Variants in EXOC3L1 observed in about 807,000 individuals in gnomAD.
EXOC3L1 encodes exocyst complex component 3-like protein.
A neutral mutation model predicts 83.6 loss-of-function variants in EXOC3L1; 79 were observed. The observed-to-expected ratio is 0.95, with a 90% CI of 0.79 to 1.14. The LOEUF (loss-of-function observed/expected upper bound fraction) is 1.14. Ranked by LOEUF, EXOC3L1 falls within the 50% of genes most tolerant of loss-of-function variation. EXOC3L1 has a pLI of 0.00. For missense variants in EXOC3L1, 945 were observed against 972.0 expected (o/e 0.97, Z 0.37); for synonymous variants, 433 against 451.2 (o/e 0.96, Z 0.51).
rs1027931068 is a variant in EXOC3L1 at position 67,186,689 on chromosome 16, GC to G, written c.1285-33del. The G allele has an allele frequency of 5.0e-6, 8 of 1,613,282 alleles. No individual in the cohort carries two copies. The Admixed American group carries it at 6.7e-5, about 13-fold the overall frequency. On this transcript the variant is annotated intron_variant, in intron 7 of 13. Transcript: ENST00000314586. ...GCAGAAATGAGCAGCCATCGGCAAAGCCTCCCTCCTTCCTCTCCTCCCCACT... is the reference window on the plus strand; with the variant it reads ...GCAGAAATGAGCAGCCATCGGCAAAGCTCCCTCCTTCCTCTCCTCCCCACT...
Position 67,189,097 on chromosome 16 carries a change from G to A in EXOC3L1, c.130C>T (p.Pro44Ser). The change falls in exon 3 of 14, where the codon CCG becomes TCG. Residue 44 changes from proline (P) to serine (S), a missense_variant. By Grantham distance (74) the Pro-to-Ser change is moderately conservative. Coordinates refer to ENST00000314586, the MANE Select transcript of EXOC3L1 (RefSeq NM_178516.4). ...TGGCCTAGCCTGGCCAGCTGCTCCG[G>A]CCGGTAGAAGATGCCTGAGGCCCAC... is the stretch of plus-strand genomic sequence containing the variant. ...LKWASGIFYR[P>S]EQLARLGQYR... 6.2e-7 allele frequency: 1 copy of A among 1,608,298 alleles called. No individual in the cohort carries two copies. Among genetic ancestry groups the A allele is most frequent in the Non-Finnish European group, 8.5e-7 (1 of 1,179,102 alleles).
rs148629602 is a variant in EXOC3L1 at position 67,185,223 on chromosome 16, C to T, written c.1662G>A (p.Leu554=). 1.2e-6 allele frequency: 2 copies of T among 1,613,550 alleles called. No homozygotes were observed. The highest frequency in any genetic ancestry group is 1.7e-5 in the Admixed American group (1 of 60,018). ...LFADLPSRQW[L]SSPELLQSVC... ...CACTTTGCAGGAGCTCAGGGCTCGA[C>T]AGCCATTGGCGCGAGGGCAGATCCG... is the stretch of plus-strand genomic sequence containing the variant. Residue 554 remains leucine (L), a synonymous_variant, in exon 11 of 14, where the codon CTG becomes CTA. Coordinates refer to ENST00000314586, the MANE Select transcript of EXOC3L1 (RefSeq NM_178516.4).
Position 67,186,917 on chromosome 16 carries a change from G to T in EXOC3L1, c.1159-33C>A, listed in dbSNP as rs140494705. 131 of 1,613,258 alleles carry T rather than the reference G, an allele frequency of 8.1e-5. No individual in the cohort carries two copies. The East Asian group carries it at 2.9e-3, about 35-fold the overall frequency. On this transcript the variant is annotated intron_variant, in intron 6 of 13. Coordinates refer to ENST00000314586, the MANE Select transcript of EXOC3L1 (RefSeq NM_178516.4). ...GAGGGGCCAGGGGCAAAGGAATGTA[G>T]CAGGGATCTGACCCTGCTGGAGATG...
chr16:67,187,144 G>A lies in EXOC3L1; in HGVS notation c.1041-6C>T. ...GGCTCCCCATCATTTCCTGCCTGGAGATAGGTGGCCTGGTGTCACACCAAG... is the reference window on the plus strand; with the variant it reads ...GGCTCCCCATCATTTCCTGCCTGGAAATAGGTGGCCTGGTGTCACACCAAG... On this transcript the variant is annotated splice_region_variant and splice_polypyrimidine_tract_variant and intron_variant, in intron 5 of 13. Coordinates refer to ENST00000314586, the MANE Select transcript of EXOC3L1 (RefSeq NM_178516.4). 6.2e-7 allele frequency: 1 copy of A among 1,612,852 alleles called. No individual in the cohort carries two copies. The highest frequency in any genetic ancestry group is 1.3e-5 in the African/African-American group (1 of 75,038).
At position 67,184,816 on chromosome 16, in the gene EXOC3L1, C is replaced by T. The variant is rs201786873; in HGVS notation, c.1906-6G>A. On this transcript the variant is annotated splice_polypyrimidine_tract_variant and splice_region_variant and intron_variant, in intron 12 of 13. Transcript: ENST00000314586. The stretch of plus-strand genomic sequence containing the variant: ...TGCGCGTTCTCCTCCAGGCCCTGAG[C>T]ACGTCGGGGTAGGGTCTCGCGCCAG... 4.9e-4 allele frequency: 782 copies of T among 1,603,834 alleles called. 1 individual carries two copies. Among genetic ancestry groups the T allele is most frequent in the Non-Finnish European group, 6.3e-4 (745 of 1,179,630 alleles).
Position 67,186,792 on chromosome 16 carries a change from G to C in EXOC3L1, c.1251C>G (p.Ser417=), listed in dbSNP as rs777583508. 1 of 1,613,740 alleles carries C rather than the reference G, an allele frequency of 6.2e-7. No individual in the cohort carries two copies. Among genetic ancestry groups the C allele is most frequent in the South Asian group, 1.1e-5 (1 of 91,088 alleles). ...CAATGGCTGGCATTGGTGAGTAATA[G>C]GAGCCAGACGGGTCTGTGTTGGGCC... ...EHGPNTDPSG[S]YYSPMPAIVL... is the part of the protein sequence containing the mutation. The change falls in exon 7 of 14, where the codon TCC becomes TCG. Residue 417 remains serine (S), a synonymous_variant. Coordinates refer to ENST00000314586, the MANE Select transcript of EXOC3L1 (RefSeq NM_178516.4).
intron 9 of EXOC3L1, 60 bp from the exon 10 acceptor site, chr16:67,185,550 G>T: frequency 6.6e-7 from 1 of 1,510,982 alleles, no homozygotes; most frequent in Non-Finnish European, 9.1e-7. Context: ...GCCCTCGGTG[G>T]TCCAGACCCT....
chr16:67,187,155 T>G lies in EXOC3L1; in HGVS notation c.1041-17A>C. 2 of 1,612,136 alleles carry G rather than the reference T, an allele frequency of 1.2e-6. No homozygotes were observed. Among genetic ancestry groups the G allele is most frequent in the Non-Finnish European group, 1.7e-6 (2 of 1,179,608 alleles). On this transcript the variant is annotated splice_polypyrimidine_tract_variant and intron_variant, in intron 5 of 13. Transcript: ENST00000314586. ...ATTTCCTGCCTGGAGATAGGTGGCCTGGTGTCACACCAAGCCACCAAGCCC... is the reference window on the plus strand; with the variant it reads ...ATTTCCTGCCTGGAGATAGGTGGCCGGGTGTCACACCAAGCCACCAAGCCC...
At chr16:67,185,520 C>T (rs1209315762) in intron 9 of EXOC3L1, 30 bp from the exon 10 acceptor site, 1 of 1,593,488 alleles carries the variant, frequency 6.3e-7, no homozygotes. Flanking sequence ...GGCTTCAGGA[C>T]CAAGGCCAAG....
At chr16:67,185,633 A>G in intron 9 of EXOC3L1, 143 bp from the exon 10 acceptor site, 1 of 748,284 alleles carries the variant, frequency 1.3e-6, no homozygotes, top group South Asian at 1.7e-5. Flanking sequence ...TTCTGGTCCC[A>G]GGCATGGACC....
chr16:67,186,360 G>T lies in EXOC3L1; in HGVS notation c.1386-13C>A. On this transcript the variant is annotated splice_polypyrimidine_tract_variant and intron_variant, in intron 8 of 13. Transcript: ENST00000314586. Reference sequence around the variant, plus strand: ...AGCATCACTGAAGCTGCAATGGGCAGAGGTGGCTCCTGGACTTGCTGCTAT... The same window carrying T: ...AGCATCACTGAAGCTGCAATGGGCATAGGTGGCTCCTGGACTTGCTGCTAT... 1.3e-6 allele frequency: 2 copies of T among 1,549,616 alleles called. No individual in the cohort carries two copies. Among genetic ancestry groups the T allele is most frequent in the Non-Finnish European group, 1.7e-6 (2 of 1,143,170 alleles).
Position 67,186,772 on chromosome 16 carries a change from G to A in EXOC3L1, c.1271C>T (p.Ala424Val). The A allele has an allele frequency of 6.2e-7, 1 of 1,613,796 alleles. No homozygotes were observed. The highest frequency in any genetic ancestry group is 2.2e-5 in the East Asian group (1 of 44,892). The change falls in exon 7 of 14, where the codon GCC becomes GTC. Residue 424 changes from alanine to valine, a missense_variant. By Grantham distance (64) the Ala-to-Val change is moderately conservative. Coordinates refer to ENST00000314586, the MANE Select transcript of EXOC3L1 (RefSeq NM_178516.4). Reference protein sequence around the residue: ...PSGSYYSPMPAIVLQILEENI... With the variant: ...PSGSYYSPMPVIVLQILEENI... ...CTTCCCACCTACCTGCAGCACAATGGCTGGCATTGGTGAGTAATAGGAGCC... is the reference window on the plus strand; with the variant it reads ...CTTCCCACCTACCTGCAGCACAATGACTGGCATTGGTGAGTAATAGGAGCC...
Position 67,184,498 on chromosome 16 carries a change from C to T in EXOC3L1, c.2137G>A (p.Ala713Thr), listed in dbSNP as rs960479390. ...AGGCTGAAGAGGACGCGGCGGCTCG[C>T]GCGGGGCGACGGCGGCAGCGCAGCC... ...LQAALPPSPR[A>T]SRRVLFSLVP... is the part of the protein sequence containing the mutation. Residue 713 changes from alanine to threonine, a missense_variant, in exon 14 of 14, where the codon GCG (alanine) becomes ACG (threonine). Coordinates refer to ENST00000314586, the MANE Select transcript of EXOC3L1 (RefSeq NM_178516.4). 5.5e-5 allele frequency: 83 copies of T among 1,519,706 alleles called. No individual in the cohort carries two copies. In the East Asian group the frequency reaches 2.0e-3, roughly 37 times the overall value. 94.1% of individuals were successfully genotyped at this position (1,519,706 alleles called of 1,614,324 possible).
intron 5 of EXOC3L1, 34 bp downstream of exon 5, chr16:67,187,191 A>G: frequency 6.2e-7 from 1 of 1,611,136 alleles, no homozygotes; most frequent in Non-Finnish European, 8.5e-7. Context: ...CCAGCCTCTG[A>G]TCCCCCATGT....
At position 67,184,779 on chromosome 16, in the gene EXOC3L1, A is replaced by C; in HGVS notation, c.1937T>G (p.Val646Gly). 6.3e-7 allele frequency: 1 copy of C among 1,599,516 alleles called. No homozygotes were observed. The highest frequency in any genetic ancestry group is 8.5e-7 in the Non-Finnish European group (1 of 1,178,064). Residue 646 changes from valine (V) to glycine (G), a missense_variant, in exon 13 of 14, where the codon GTG (valine) becomes GGG (glycine). Transcript: ENST00000314586. Reference sequence around the variant, plus strand: ...TAGCAGCTCCCTCAGGGCGAGCAGCACCGGCGCGCAGTGCGCGTTCTCCTC... The same window carrying C: ...TAGCAGCTCCCTCAGGGCGAGCAGCCCCGGCGCGCAGTGCGCGTTCTCCTC... Reference protein sequence around the residue: ...GLEENAHCAPVLLALRELLNL... With the variant: ...GLEENAHCAPGLLALRELLNL...
chr16:67,184,471 C>T lies in EXOC3L1; in HGVS notation c.2164G>A (p.Val722Met), dbSNP rs2032618830. ...GCCGGCGCGAGCGCGGGCGCGGGCACTAGGCTGAAGAGGACGCGGCGGCTC... is the reference window on the plus strand; with the variant it reads ...GCCGGCGCGAGCGCGGGCGCGGGCATTAGGCTGAAGAGGACGCGGCGGCTC... ...RASRRVLFSL[V>M]PAPALAPASC... Residue 722 changes from valine to methionine, a missense_variant, in exon 14 of 14, where the codon GTG becomes ATG. Transcript: ENST00000314586. The T allele has an allele frequency of 2.6e-6, 4 of 1,528,906 alleles. No homozygotes were observed. Among genetic ancestry groups the T allele is most frequent in the Non-Finnish European group, 3.5e-6 (4 of 1,144,334 alleles). 94.7% of individuals were successfully genotyped at this position (1,528,906 alleles called of 1,614,324 possible).
At position 67,187,227 on chromosome 16, in the gene EXOC3L1, C is replaced by CAA; in HGVS notation, c.1037_1038insTT (p.Gly347TrpfsTer5). The CAA allele has an allele frequency of 6.2e-7, 1 of 1,610,034 alleles. No homozygotes were observed. The highest frequency in any genetic ancestry group is 8.5e-7 in the Non-Finnish European group (1 of 1,177,500). ...CCCGCTGCCCCAAAGGCACTGACCC[C>CAA]AGGTACACATGCAGTGCCCAGTGCA... is the stretch of plus-strand genomic sequence containing the variant. On this transcript the variant is annotated frameshift_variant, in exon 5 of 14. Transcript: ENST00000314586. LOFTEE classifies it high-confidence loss of function.
At position 67,185,025 on chromosome 16, in the gene EXOC3L1, C is replaced by T. The variant is rs2032650762; in HGVS notation, c.1782G>A (p.Val594=). 2 of 1,608,784 alleles carry T rather than the reference C, an allele frequency of 1.2e-6. No homozygotes were observed. The highest frequency in any genetic ancestry group is 1.7e-6 in the Non-Finnish European group (2 of 1,177,424). Residue 594 remains valine, a synonymous_variant, in exon 12 of 14, where the codon GTG becomes GTA. Coordinates refer to ENST00000314586, the MANE Select transcript of EXOC3L1 (RefSeq NM_178516.4). ...LLLAEAERAV[V]LQYLSALMQG... ...GCATCAGCGCGCTCAGGTACTGGAG[C>T]ACCACGGCACGCTCGGCCTCAGCCA...
In EXOC3L1 at chr16:67,185,005, A is replaced by G; in HGVS notation, c.1802T>C (p.Leu601Pro). The change falls in exon 12 of 14, where the codon CTG becomes CCG. Residue 601 changes from leucine (L) to proline (P), a missense_variant. Transcript: ENST00000314586. ...GCGGCACACCAGGCGGCCTTGCATCAGCGCGCTCAGGTACTGGAGCACCAC... is the reference window on the plus strand; with the variant it reads ...GCGGCACACCAGGCGGCCTTGCATCGGCGCGCTCAGGTACTGGAGCACCAC... ...RAVVLQYLSA[L>P]MQGRLVCRGA... 6.2e-7 allele frequency: 1 copy of G among 1,609,960 alleles called. No individual in the cohort carries two copies. The highest frequency in any genetic ancestry group is 8.5e-7 in the Non-Finnish European group (1 of 1,178,590).
Sources: gnomAD v4.1 joint callset for allele counts on GRCh38, gnomAD v4.1.1 for gene constraint, MANE v1.5 for transcripts, NCBI Gene and HGNC (gene_info 2026-07-23, HGNC 2026-07-21) for gene names.